NLGN1: variants seen among roughly 807,000 people sequenced by gnomAD.
NLGN1 encodes the protein neuroligin 1, also known as neuroligin-1.
NLGN1 carries 12 observed loss-of-function variants against 65.5 expected under a neutral mutation model. The ratio of observed to expected loss-of-function variants is 0.18; its 90% CI spans 0.12 to 0.30. The LOEUF (loss-of-function observed/expected upper bound fraction) is 0.30. Among genes scored for constraint, NLGN1 ranks in the 10% least tolerant of loss-of-function variants. NLGN1 has a pLI of 1.00. For missense variants in NLGN1, 750 were observed against 1,007.1 expected (o/e 0.74, Z 3.46); for synonymous variants, 350 against 359.5 (o/e 0.97, Z 0.30).
At chr3:173,703,691 T>A (rs1767600664) in intron 3 of NLGN1, among the ~76,000 whole-genome samples, 1 of 152,194 alleles carries the variant, frequency 6.6e-6, no homozygotes, top group Non-Finnish European at 1.5e-5. Flanking sequence ...TAACCGTGAA[T>A]CCATGGAGAT....
At chr3:173,689,468 A>G (rs1765143770) in intron 3 of NLGN1, among the ~76,000 whole-genome samples, 3 of 152,096 alleles carry the variant, frequency 2.0e-5, no homozygotes, top group Non-Finnish European at 2.9e-5. Context: ...TGGCTCTTCA[A>G]CTTTTCTTTC....
chr3:173,889,202 G>A (rs1187177067), intron 4 of NLGN1, among the ~76,000 whole-genome samples: 1 of 152,068 alleles, frequency 6.6e-6, no homozygotes, highest in East Asian at 1.9e-4. Context: ...ATAATAATTT[G>A]CCTTTTTGAG....
chr3:173,423,928 C>G (rs186347785), intron 1 of NLGN1, among the ~76,000 whole-genome samples: 4 of 152,310 alleles, frequency 2.6e-5, no homozygotes, highest in African/African-American at 9.6e-5. Flanking sequence ...CACGAGGACT[C>G]CACTGCAGCA....
At chr3:173,471,325 A>T (rs1725282379) in intron 2 of NLGN1, among the ~76,000 whole-genome samples, 1 of 152,094 alleles carries the variant, frequency 6.6e-6, no homozygotes, top group Non-Finnish European at 1.5e-5. Flanking sequence ...CATCAGTAGG[A>T]TTGGTCCTTC....
chr3:174,188,074 TAC>T (rs1731743862), intron 4 of NLGN1, among the ~76,000 whole-genome samples: 1 of 152,058 alleles, frequency 6.6e-6, no homozygotes, highest in Non-Finnish European at 1.5e-5. Context: ...ACTTGAGTTC[TAC>T]ACTGTTAATA....
intron 3 of NLGN1, among the ~76,000 whole-genome samples, chr3:173,662,396 T>C (rs1761055324): frequency 6.6e-6 from 1 of 151,960 alleles, no homozygotes; most frequent in South Asian, 2.1e-4. Context: ...AATGAGGAGG[T>C]TGTACAATTT....
chr3:173,546,652 C>T lies in NLGN1; in HGVS notation c.-320-57627C>T, dbSNP rs893100427. Among the ~76,000 whole-genome samples the T allele has an allele frequency of 1.3e-5, 2 of 152,270 alleles. 1 individual carries two copies. Among genetic ancestry groups the T allele is most frequent in the South Asian group, 4.1e-4 (2 of 4,828 alleles). ...TAATATTCCGCTATATTTCCTCTGT[C>T]TGTTATGTATAGGTATGATAAGCCT... On this transcript the variant is annotated intron_variant, in intron 2 of 6. Transcript: ENST00000457714.
chr3:173,757,388 C>G (rs1044179809), intron 3 of NLGN1, among the ~76,000 whole-genome samples: 4 of 151,952 alleles, frequency 2.6e-5, no homozygotes, highest in Non-Finnish European at 5.9e-5. Context: ...GTACCTGAAT[C>G]TAATCATGCC....
chr3:173,977,103 A>G (rs920456739), intron 4 of NLGN1, among the ~76,000 whole-genome samples: 7 of 145,330 alleles, frequency 4.8e-5, no homozygotes, highest in African/African-American at 1.8e-4. Flanking sequence ...ACACACACAC[A>G]CACGCACACA....
chr3:173,673,024 C>A (rs1352282392), intron 3 of NLGN1, among the ~76,000 whole-genome samples: 1 of 152,108 alleles, frequency 6.6e-6, no homozygotes, highest in African/African-American at 2.4e-5. Context: ...GATGGCATGA[C>A]AAGGAGACTG....
At chr3:173,820,829 T>A (rs956203146) in intron 4 of NLGN1, among the ~76,000 whole-genome samples, 7 of 152,214 alleles carry the variant, frequency 4.6e-5, no homozygotes, top group Non-Finnish European at 7.4e-5. Flanking sequence ...ATTCACTTTA[T>A]ATAGATAATA....
chr3:173,905,683 T>C (rs939581079), intron 4 of NLGN1, among the ~76,000 whole-genome samples: 2 of 152,170 alleles, frequency 1.3e-5, no homozygotes, highest in African/African-American at 4.8e-5. Context: ...AGCACAGAAA[T>C]GTTTGGTAAA....
chr3:173,854,121 G>GT (rs1323564902), intron 4 of NLGN1, among the ~76,000 whole-genome samples: 1 of 151,854 alleles, frequency 6.6e-6, no homozygotes, highest in Admixed American at 6.6e-5. Flanking sequence ...TTCATGTTAA[G>GT]TTTTTTTAAG....
chr3:173,905,782 T>C (rs1275300859), intron 4 of NLGN1, among the ~76,000 whole-genome samples: 47 of 152,328 alleles, frequency 3.1e-4, no homozygotes, highest in Non-Finnish European at 8.8e-5. Context: ...AGCCTTTCCT[T>C]GAAGCAAAAT....
At chr3:173,895,841 C>A (rs1044825999) in intron 4 of NLGN1, among the ~76,000 whole-genome samples, 3 of 152,010 alleles carry the variant, frequency 2.0e-5, no homozygotes, top group Non-Finnish European at 4.4e-5. Context: ...TAGGCATGTG[C>A]CCCCACACAT....
At chr3:173,832,347 A>G (rs924439025) in intron 4 of NLGN1, among the ~76,000 whole-genome samples, 1 of 152,206 alleles carries the variant, frequency 6.6e-6, no homozygotes, top group Non-Finnish European at 1.5e-5. Flanking sequence ...CGTATCTACT[A>G]TTCTATTATC....
At chr3:174,237,157 AGT>A (rs1238224935) in intron 4 of NLGN1, among the ~76,000 whole-genome samples, 1 of 152,186 alleles carries the variant, frequency 6.6e-6, no homozygotes, top group African/African-American at 2.4e-5. Flanking sequence ...TTTCTAATTT[AGT>A]GTAAGGAATT....
intron 3 of NLGN1, among the ~76,000 whole-genome samples, chr3:173,776,669 G>A (rs949681127): frequency 2.0e-5 from 3 of 151,894 alleles, no homozygotes; most frequent in Non-Finnish European, 2.9e-5. Context: ...GGCAGGTATG[G>A]AAGTGACATG....
intron 4 of NLGN1, among the ~76,000 whole-genome samples, chr3:173,966,344 A>G (rs1714861686): frequency 6.6e-6 from 1 of 152,110 alleles, no homozygotes; most frequent in Non-Finnish European, 1.5e-5. Flanking sequence ...GCCAAGAGAG[A>G]TTTTCTTTTG....
Sources: gnomAD v4.1 joint callset for allele counts (sites outside exome capture counted in the v4.1 genomes callset) on GRCh38, gnomAD v4.1.1 for gene constraint, MANE v1.5 for transcripts, NCBI Gene and HGNC (gene_info 2026-07-23, HGNC 2026-07-21) for gene names.